The following CDH13 variants were observed in gnomAD, a reference collection of about 807,000 sequenced individuals.
CDH13 encodes the protein cadherin-13.
CDH13 carries 24 observed loss-of-function variants against 63.8 expected under a neutral mutation model. The observed-to-expected ratio is 0.38, with a 90% CI of 0.27 to 0.53. The LOEUF (loss-of-function observed/expected upper bound fraction) is 0.53. Among genes scored for constraint, CDH13 ranks in the 20% least tolerant of loss-of-function variants. The probability of loss-of-function intolerance (pLI) is 0.85; values close to 1 mark genes in which losing one functional copy is unlikely to be tolerated. For synonymous variants in CDH13, 503 were observed against 355.3 expected (o/e 1.42, Z -4.67); for missense variants, 1,049 against 903.1 (o/e 1.16, Z -2.07).
At chr16:83,716,772 G>T (rs1006071363) in intron 10 of CDH13, among the ~76,000 whole-genome samples, 1 of 152,070 alleles carries the variant, frequency 6.6e-6, no homozygotes, top group Non-Finnish European at 1.5e-5. Flanking sequence ...ATGAGCCACC[G>T]CACCCGCCCT....
chr16:83,572,175 G>GTTGT (rs145519267), intron 7 of CDH13, among the ~76,000 whole-genome samples: 1 of 145,586 alleles, frequency 6.9e-6, no homozygotes, highest in African/African-American at 2.6e-5. Flanking sequence ...ACTTTCCTGT[G>GTTGT]GTGTGTGTGT....
At chr16:83,304,341 A>T (rs1277848008) in intron 5 of CDH13, among the ~76,000 whole-genome samples, 3 of 152,168 alleles carry the variant, frequency 2.0e-5, no homozygotes, top group Admixed American at 6.5e-5. Context: ...GGGAAAAAAG[A>T]CTGTGTTGGT....
At chr16:83,252,912 TGTCCTTGGATG>T (rs1905757549) in intron 5 of CDH13, among the ~76,000 whole-genome samples, 1 of 152,278 alleles carries the variant, frequency 6.6e-6, no homozygotes, top group Admixed American at 6.5e-5. Flanking sequence ...ATCCTACCTG[TGTCCTTGGATG>T]GTTGACCTTA....
At chr16:83,117,029 G>A (rs1350313288) in intron 3 of CDH13, among the ~76,000 whole-genome samples, 1 of 152,242 alleles carries the variant, frequency 6.6e-6, no homozygotes, top group Non-Finnish European at 1.5e-5. Flanking sequence ...TACAGTGAAT[G>A]TAGCTTGTTA....
chr16:83,227,933 G>A (rs1181281037), intron 5 of CDH13, among the ~76,000 whole-genome samples: 1 of 152,190 alleles, frequency 6.6e-6, no homozygotes, highest in Non-Finnish European at 1.5e-5. Flanking sequence ...GCTTCATGGA[G>A]CTCTGTCAAT....
At chr16:83,689,782 G>A (rs937316754) in intron 10 of CDH13, among the ~76,000 whole-genome samples, 2 of 152,174 alleles carry the variant, frequency 1.3e-5, no homozygotes, top group Admixed American at 6.5e-5. Context: ...TGGGGATTTG[G>A]ATTAGGGCTA....
chr16:82,722,534 C>T (rs562294171), intron 1 of CDH13, among the ~76,000 whole-genome samples: 67 of 152,272 alleles, frequency 4.4e-4, no homozygotes, highest in African/African-American at 1.4e-3. Flanking sequence ...GAATTGGCTA[C>T]GCTAGGGTCA....
In CDH13 at chr16:83,032,142, A is replaced by T. The variant is rs769320614; in HGVS notation, c.290A>T (p.His97Leu). 67 of 1,613,604 alleles carry T rather than the reference A, an allele frequency of 4.2e-5. No individual in the cohort carries two copies. The highest frequency in any genetic ancestry group is 5.4e-5 in the Non-Finnish European group (64 of 1,179,806). ...ITAVGKTLFVHARTPHAEDMA... is the reference protein window; with the variant it reads ...ITAVGKTLFVLARTPHAEDMA... The stretch of plus-strand genomic sequence containing the variant: ...GCAGTGGGCAAAACTCTGTTCGTCC[A>T]TGCACGGACCCCCCATGCGGAAGAT... The change falls in exon 3 of 14, where the codon CAT becomes CTT. Residue 97 changes from histidine (H) to leucine (L), a missense_variant. His to Leu is a moderately conservative substitution (Grantham distance 99). Coordinates refer to ENST00000567109, the MANE Select transcript of CDH13 (RefSeq NM_001257.5).
At chr16:83,761,594 G>C (rs567069256) in intron 11 of CDH13, among the ~76,000 whole-genome samples, 1 of 152,340 alleles carries the variant, frequency 6.6e-6, no homozygotes, top group African/African-American at 2.4e-5. Flanking sequence ...AACGCTATTT[G>C]AACAGTTGGC....
At chr16:82,720,322 T>G (rs1597399796) in intron 1 of CDH13, among the ~76,000 whole-genome samples, 1 of 152,226 alleles carries the variant, frequency 6.6e-6, no homozygotes, top group East Asian at 1.9e-4. Context: ...TTTTTTATTG[T>G]GCATTTTTAT....
Position 83,120,848 on chromosome 16 carries a change from C to T in CDH13, c.367-4537C>T, listed in dbSNP as rs541659324. 2.0e-4 allele frequency among the ~76,000 whole-genome samples: 30 copies of T among 149,684 alleles called. No homozygotes were observed. In the East Asian group the frequency reaches 2.8e-3, roughly 14 times the overall value. On this transcript the variant is annotated intron_variant, in intron 3 of 13. Transcript: ENST00000567109. ...GCGCGATCTCAGCTCACTGCAACTTCCATCTCCCAGGTTCAAGTGATTCTC... is the reference window on the plus strand; with the variant it reads ...GCGCGATCTCAGCTCACTGCAACTTTCATCTCCCAGGTTCAAGTGATTCTC...
At chr16:82,751,624 C>T (rs993004587) in intron 1 of CDH13, among the ~76,000 whole-genome samples, 5 of 151,770 alleles carry the variant, frequency 3.3e-5, no homozygotes, top group African/African-American at 9.7e-5. Context: ...TTCATATATT[C>T]CATGCCTGAG....
chr16:83,082,067 T>C (rs1241812454), intron 3 of CDH13, among the ~76,000 whole-genome samples: 1 of 152,176 alleles, frequency 6.6e-6, no homozygotes, highest in Non-Finnish European at 1.5e-5. Context: ...CCCAAAGTGC[T>C]GGGATTACAG....
chr16:82,774,347 A>G (rs543537153), intron 1 of CDH13, among the ~76,000 whole-genome samples: 44 of 148,666 alleles, frequency 3.0e-4, no homozygotes, highest in African/African-American at 1.0e-3. Flanking sequence ...TCATTTCTAC[A>G]TGGCTTGGTT....
intron 1 of CDH13, among the ~76,000 whole-genome samples, chr16:82,656,914 A>G (rs1597236135): frequency 7.4e-6 from 1 of 135,960 alleles, no homozygotes. Context: ...ATGGTTTGGT[A>G]GCTCTTTTTT....
rs961921470 is a variant in CDH13 at position 83,090,298 on chromosome 16, G to A, written c.367-35087G>A. ...ATGCCAAGCCATTCGTTTGTGGGCC[G>A]GGCACGGTGGCTCATGCCTGTAATC... is the stretch of plus-strand genomic sequence containing the variant. On this transcript the variant is annotated intron_variant, in intron 3 of 13. Transcript: ENST00000567109. Among the ~76,000 whole-genome samples the A allele has an allele frequency of 1.1e-4, 17 of 152,228 alleles. No homozygotes were observed. The East Asian group carries it at 1.2e-3, about 10-fold the overall frequency.
intron 5 of CDH13, among the ~76,000 whole-genome samples, chr16:83,307,264 C>T (rs745735560): frequency 1.1e-4 from 17 of 152,198 alleles, no homozygotes; most frequent in Non-Finnish European, 2.1e-4. Context: ...CCCTGGAAAG[C>T]ACACATCTGA....
At chr16:83,774,375 C>T (rs1169425262) in intron 11 of CDH13, among the ~76,000 whole-genome samples, 2 of 147,786 alleles carry the variant, frequency 1.4e-5, no homozygotes, top group Middle Eastern at 3.2e-3. Context: ...AATGCCATTT[C>T]TTTTTTTTTT....
intron 8 of CDH13, among the ~76,000 whole-genome samples, chr16:83,650,082 A>G (rs1912220032): frequency 6.6e-6 from 1 of 152,178 alleles, no homozygotes; most frequent in African/African-American, 2.4e-5. Flanking sequence ...CCTCCTTTCA[A>G]GCCTCTGCTC....
Sources: gnomAD v4.1 joint callset for allele counts (sites outside exome capture counted in the v4.1 genomes callset) on GRCh38, gnomAD v4.1.1 for gene constraint, MANE v1.5 for transcripts, NCBI Gene and HGNC (gene_info 2026-07-23, HGNC 2026-07-21) for gene names.